The following HELZ variants were observed in gnomAD, a reference collection of about 807,000 sequenced individuals.
HELZ encodes helicase with zinc finger.
A neutral mutation model predicts 218.2 loss-of-function variants in HELZ; 23 were observed. The observed-to-expected ratio is 0.11, with a 90% CI of 0.08 to 0.15. The LOEUF (loss-of-function observed/expected upper bound fraction) is 0.15. Ranked by LOEUF, HELZ falls within the 10% of genes least tolerant of loss-of-function variation. HELZ has a pLI of 1.00. For synonymous variants in HELZ, 814 were observed against 829.4 expected, an observed-to-expected ratio of 0.98 and a Z score of 0.32; for missense variants, 1,813 against 2,353.7, an observed-to-expected ratio of 0.77 and a Z score of 4.75.
At chr17:67,162,869 A>G (rs2039030129) in intron 15 of HELZ, among the ~76,000 whole-genome samples, 1 of 152,204 alleles carries the variant, frequency 6.6e-6, no homozygotes, top group Non-Finnish European at 1.5e-5. Context: ...AAGAAAATGA[A>G]CATGCCCTAC....
chr17:67,237,341 T>C (rs1411169641), intron 3 of HELZ, among the ~76,000 whole-genome samples: 5 of 152,188 alleles, frequency 3.3e-5, no homozygotes, highest in Non-Finnish European at 7.3e-5. Context: ...ACTTTAACAA[T>C]TTACTTATTT....
intron 2 of HELZ, among the ~76,000 whole-genome samples, chr17:67,240,048 A>G (rs2041280326): frequency 6.6e-6 from 1 of 152,236 alleles, no homozygotes; most frequent in African/African-American, 2.4e-5. Context: ...CTAACATTAC[A>G]TGAATTCAAT....
At chr17:67,196,151 T>C (rs2040022810) in intron 7 of HELZ, among the ~76,000 whole-genome samples, 1 of 152,014 alleles carries the variant, frequency 6.6e-6, no homozygotes, top group South Asian at 2.1e-4. Context: ...CACGCCCGGC[T>C]AGAGGTTCCT....
chr17:67,245,234 C>A (rs554129851), upstream of HELZ: 3 of 979,678 alleles, frequency 3.1e-6, no homozygotes, highest in East Asian at 1.1e-4. Context: ...TAAAGTGACT[C>A]CCCCCGGCCC....
At chr17:67,212,068 C>G (rs1298934698) in intron 5 of HELZ, among the ~76,000 whole-genome samples, 1 of 151,646 alleles carries the variant, frequency 6.6e-6, no homozygotes, top group African/African-American at 2.4e-5. Flanking sequence ...GAACAGACAT[C>G]AAGACTATGC....
intron 17 of HELZ, among the ~76,000 whole-genome samples, chr17:67,154,974 C>A (rs1485288461): frequency 6.6e-6 from 1 of 152,130 alleles, no homozygotes; most frequent in Non-Finnish European, 1.5e-5. Context: ...TAAAGAAAAA[C>A]TATGCAGTTA....
chr17:67,150,713 C>T (rs2363846), intron 18 of HELZ, among the ~76,000 whole-genome samples: 91,335 of 152,056 alleles, frequency 0.6, 28,736 homozygotes, highest in East Asian at 0.88. Context: ...CAATAATAAA[C>T]ATCATCTGAC....
intron 32 of HELZ, among the ~76,000 whole-genome samples, chr17:67,083,413 G>A (rs551387168): frequency 3.9e-5 from 6 of 152,180 alleles, no homozygotes; most frequent in East Asian, 1.9e-4. Context: ...AGGCTGAGGC[G>A]GACAGATCAT....
rs536122521 is a variant in HELZ at position 67,139,464 on chromosome 17, C to T, written c.2770-1350G>A. Among the ~76,000 whole-genome samples, 17 of 152,238 alleles carry T rather than the reference C, an allele frequency of 1.1e-4. No homozygotes were observed. In the South Asian group the frequency reaches 1.2e-3, roughly 11 times the overall value. ...TGCGCCCTCCCACCCCACAGAGTTCCCACCTCTAAGCAACACACAACCATT... is the reference window on the plus strand; with the variant it reads ...TGCGCCCTCCCACCCCACAGAGTTCTCACCTCTAAGCAACACACAACCATT... On this transcript the variant is annotated intron_variant, in intron 21 of 32. Transcript: ENST00000358691.
intron 17 of HELZ, among the ~76,000 whole-genome samples, chr17:67,154,362 G>C (rs1445843920): frequency 6.6e-6 from 1 of 152,164 alleles, no homozygotes; most frequent in African/African-American, 2.4e-5. Flanking sequence ...CCAGGAGATG[G>C]AGTCTGCAGT....
intron 31 of HELZ, 69 bp downstream of exon 31, chr17:67,107,100 A>G: frequency 7.3e-7 from 1 of 1,376,132 alleles, no homozygotes; most frequent in South Asian, 1.4e-5. Context: ...CCTTCCTATT[A>G]TCAAATCAAT....
In HELZ at chr17:67,120,552, C is replaced by T. The variant is rs772923855; in HGVS notation, c.3691G>A (p.Ala1231Thr). The T allele has an allele frequency of 6.2e-7, 1 of 1,613,446 alleles. No homozygotes were observed. Among genetic ancestry groups the T allele is most frequent in the Non-Finnish European group, 8.5e-7 (1 of 1,179,902 alleles). ...AGGTTCATGTTATAGGCCATTGCTG[C>T]CTGATGTGTAATAATTCGAGGATCA... Reference protein sequence around the residue: ...AVDPRIITHQAAMAYNMNLLQ... With the variant: ...AVDPRIITHQTAMAYNMNLLQ... Residue 1231 changes from alanine (A) to threonine (T), a missense_variant, in exon 27 of 33, where the codon GCA (alanine) becomes ACA (threonine). By Grantham distance (58) the Ala-to-Thr change is moderately conservative (BLOSUM62 0). Around this residue, in one of 4 missense-constraint regions of HELZ, gnomAD observed 938 missense variants for 1,027.5 expected, o/e 0.91. Transcript: ENST00000358691.
intron 3 of HELZ, among the ~76,000 whole-genome samples, chr17:67,221,255 T>C (rs1457562765): frequency 6.6e-6 from 1 of 152,214 alleles, no homozygotes; most frequent in Admixed American, 6.5e-5. Flanking sequence ...CAGATGTCAG[T>C]AGCACGTCCC....
chr17:67,156,547 G>A (rs16960615), intron 17 of HELZ, among the ~76,000 whole-genome samples: 44,585 of 151,742 alleles, frequency 0.29, 7,714 homozygotes, highest in East Asian at 0.69. Context: ...AAATCACATC[G>A]ATGTTTCCAG....
At chr17:67,234,321 A>T (rs1165763759) in intron 3 of HELZ, among the ~76,000 whole-genome samples, 2 of 120,066 alleles carry the variant, frequency 1.7e-5, no homozygotes, top group Non-Finnish European at 3.1e-5. Context: ...AAGAAAAAAG[A>T]AAAAAAAAAA....
chr17:67,245,482 C>G (rs1342009685), upstream of HELZ: 1 of 985,738 alleles, frequency 1.0e-6, no homozygotes, highest in African/African-American at 1.7e-5. Context: ...GCGTTCCTGC[C>G]CGGGCAGACG....
rs2039804082 is a variant in HELZ at position 67,188,063 on chromosome 17, A to G, written c.1162+256T>C. Among the ~76,000 whole-genome samples, 1 of 152,210 alleles carries G rather than the reference A, an allele frequency of 6.6e-6. No homozygotes were observed. Among genetic ancestry groups the G allele is most frequent in the African/African-American group, 2.4e-5 (1 of 41,450 alleles). ...ACTGTGAAATGAAACTGGTAGACCA[A>G]AACAGGTCTGATCATCTACTCATAC... On this transcript the variant is annotated intron_variant, in intron 12 of 32. Coordinates refer to ENST00000358691, the MANE Select transcript of HELZ (RefSeq NM_014877.4). This position sits in a 1 kb window ranked among gnomAD's most constrained non-coding sequence, Gnocchi z 4.1.
intron 5 of HELZ, among the ~76,000 whole-genome samples, chr17:67,209,021 A>AAGGAAGGG (rs1175446865): frequency 8.0e-6 from 1 of 125,004 alleles, no homozygotes; most frequent in Non-Finnish European, 1.6e-5. Flanking sequence ...GGAAGGAAGG[A>AAGGAAGGG]AGGAAGGGAG....
intron 9 of HELZ, among the ~76,000 whole-genome samples, chr17:67,193,744 G>C (rs764997837): frequency 6.6e-6 from 1 of 151,974 alleles, no homozygotes; most frequent in African/African-American, 2.4e-5. Context: ...AAAAATAAAA[G>C]ACTACTGAAC....
Sources: allele counts gnomAD v4.1 joint callset (sites outside exome capture counted in the v4.1 genomes callset), GRCh38; gene constraint gnomAD v4.1.1; regional missense constraint gnomAD v4.1.1; non-coding constraint Gnocchi (gnomAD v3.1); transcripts MANE v1.5; gene names NCBI Gene and HGNC (gene_info 2026-07-23, HGNC 2026-07-21).